Variants in EIF4G3 observed in about 807,000 individuals in gnomAD.
EIF4G3 encodes the protein eIF-4-gamma 3.
EIF4G3 carries 34 observed loss-of-function variants against 186.4 expected under a neutral mutation model. That is an observed-to-expected ratio of 0.18 (90% CI 0.14 to 0.24). The LOEUF (loss-of-function observed/expected upper bound fraction) is 0.24, where lower values mean the gene tolerates loss of function less well. EIF4G3 is among the 10% of genes least tolerant of loss of function. EIF4G3 has a pLI of 1.00. For synonymous variants in EIF4G3, 673 were observed against 679.5 expected (o/e 0.99, Z 0.15); for missense variants, 1,536 against 1,948.5 (o/e 0.79, Z 3.99).
At chr1:20,865,372 T>C (rs1413138790) in intron 20 of EIF4G3, 110 bp from the exon 21 acceptor site, 11 of 1,211,300 alleles carry the variant, frequency 9.1e-6, no homozygotes, top group Non-Finnish European at 1.1e-5. Context: ...CAGGTAAGCA[T>C]TCTATAAGAG....
intron 24 of EIF4G3, 82 bp downstream of exon 24, chr1:20,860,303 A>G (rs1381710788): frequency 4.4e-6 from 7 of 1,573,114 alleles, no homozygotes; most frequent in Non-Finnish European, 3.5e-6. Context: ...TTCTGATCTC[A>G]TTTTATACCT....
At chr1:21,091,681 G>A (rs1192523345) in intron 2 of EIF4G3, among the ~76,000 whole-genome samples, 1 of 152,102 alleles carries the variant, frequency 6.6e-6, no homozygotes, top group African/African-American at 2.4e-5. Context: ...GCAGTAGTTT[G>A]TAGTTCTCCT....
intron 34 of EIF4G3, among the ~76,000 whole-genome samples, chr1:20,814,632 A>G (rs2059984949): frequency 6.6e-6 from 1 of 152,198 alleles, no homozygotes; most frequent in Non-Finnish European, 1.5e-5. Context: ...AATGTGAATT[A>G]GAAGTTAATC....
intron 30 of EIF4G3, among the ~76,000 whole-genome samples, chr1:20,838,913 G>A (rs2067577321): frequency 6.6e-6 from 1 of 152,182 alleles, no homozygotes; most frequent in Non-Finnish European, 1.5e-5. Flanking sequence ...CTGGGCTCAA[G>A]CAATCTTCCT....
chr1:21,139,854 G>C (rs1284145176), intron 2 of EIF4G3, among the ~76,000 whole-genome samples: 2 of 152,074 alleles, frequency 1.3e-5, no homozygotes, highest in Non-Finnish European at 2.9e-5. Flanking sequence ...GCCCACACTG[G>C]TCTATATAAT....
intron 4 of EIF4G3, among the ~76,000 whole-genome samples, chr1:21,014,221 T>C (rs1042069490): frequency 1.6e-4 from 25 of 152,214 alleles, no homozygotes; most frequent in Admixed American, 1.4e-3. Context: ...GTGGAGGCGC[T>C]GGCATAATTC....
chr1:21,033,723 T>C (rs1234242610), intron 4 of EIF4G3, among the ~76,000 whole-genome samples: 1 of 152,150 alleles, frequency 6.6e-6, no homozygotes, highest in Non-Finnish European at 1.5e-5. Flanking sequence ...TTTTCCACAG[T>C]TTATAGTTTG....
rs375666603 is a variant in EIF4G3 at position 20,807,220 on chromosome 1, C to A, written c.*99G>T. On this transcript the variant is annotated 3_prime_UTR_variant, in exon 37 of 37. Transcript: ENST00000602326. ...ACTCGTGCACACGTGGGGGTTTCTG[C>A]GAGAATTGGCCTTGCTGCACTGTGA... 2.6e-6 allele frequency: 3 copies of A among 1,152,798 alleles called. No individual in the cohort carries two copies. The highest frequency in any genetic ancestry group is 3.6e-6 in the Non-Finnish European group (3 of 829,368). 71.4% of individuals were successfully genotyped at this position (1,152,798 alleles called of 1,614,324 possible).
At chr1:21,113,722 A>G (rs1266282302) in intron 2 of EIF4G3, among the ~76,000 whole-genome samples, 1 of 152,142 alleles carries the variant, frequency 6.6e-6, no homozygotes. Context: ...CAGTATCAAA[A>G]ATCTTATCTG....
At chr1:20,931,919 G>A (rs531134447) in intron 14 of EIF4G3, among the ~76,000 whole-genome samples, 194 of 33,910 alleles carry the variant, frequency 5.7e-3, no homozygotes, top group Non-Finnish European at 0.012. Flanking sequence ...GCAAGACTCT[G>A]TCTTAAAAAA....
At chr1:21,135,550 T>G (rs2097223205) in intron 2 of EIF4G3, among the ~76,000 whole-genome samples, 1 of 152,076 alleles carries the variant, frequency 6.6e-6, no homozygotes, top group Admixed American at 6.6e-5. Context: ...AAAAAATGAA[T>G]AGTCCACACA....
rs777715243 is a variant in EIF4G3, at chr1:20,895,497, G to A, written c.2004C>T (p.Ser668=). ...DGVTFPFKPE[S]WKPTDTEGKK... ...TACCTTCAGTATCAGTAGGCTTCCAGGATTCTAGAAAGAGGAATATAGGCA... is the reference window on the plus strand; with the variant it reads ...TACCTTCAGTATCAGTAGGCTTCCAAGATTCTAGAAAGAGGAATATAGGCA... The change falls in exon 17 of 37, where the codon TCC becomes TCT. Residue 668 remains serine (S), a synonymous_variant. Transcript: ENST00000602326. 1.9e-6 allele frequency: 3 copies of A among 1,613,728 alleles called. No individual in the cohort carries two copies. The Admixed American group carries it at 5.0e-5, about 27-fold the overall frequency.
intron 5 of EIF4G3, among the ~76,000 whole-genome samples, chr1:21,001,580 A>T (rs530684195): frequency 4.6e-5 from 7 of 152,116 alleles, no homozygotes; most frequent in African/African-American, 1.7e-4. Context: ...TCTCATAACA[A>T]AACTTGTATC....
intron 29 of EIF4G3, among the ~76,000 whole-genome samples, chr1:20,842,216 T>C (rs1382586994): frequency 6.6e-6 from 1 of 152,238 alleles, no homozygotes; most frequent in East Asian, 1.9e-4. Context: ...GAATGTCTAA[T>C]ATAGCTTTTT....
chr1:20,848,051 T>C lies in EIF4G3; in HGVS notation c.3888+1364A>G, dbSNP rs546104017. 330 of 331,356 alleles carry C rather than the reference T, an allele frequency of 1.0e-3. 5 individuals carry two copies. Among genetic ancestry groups the C allele is most frequent in the South Asian group, 7.4e-3 (319 of 42,974 alleles). 20.5% of individuals were successfully genotyped at this position (331,356 alleles called of 1,614,324 possible). A position where few individuals can be genotyped will look rare whatever the true frequency, so the allele number is the denominator to read the frequency against. On this transcript the variant is annotated intron_variant, in intron 29 of 36. Transcript: ENST00000602326. ...GATGATCTCGGCTCACTGCAACCTCTGCCTCCCGGGCTTCAAGTGATCCTC... is the reference window on the plus strand; with the variant it reads ...GATGATCTCGGCTCACTGCAACCTCCGCCTCCCGGGCTTCAAGTGATCCTC...
At position 20,835,407 on chromosome 1, in the gene EIF4G3, TTAAAAAA is replaced by T. The variant is rs530435330; in HGVS notation, c.4061+5442_4061+5448del. ...AAACAGAAATAAATGAAATAGACAC[TTAAAAAA>T]TGAAAGAAAAAAATCAATGATACTC... On this transcript the variant is annotated intron_variant, in intron 30 of 36. Coordinates refer to ENST00000602326, the MANE Select transcript of EIF4G3 (RefSeq NM_001391906.1). Among the ~76,000 whole-genome samples, 112 of 151,728 alleles carry T rather than the reference TTAAAAAA, an allele frequency of 7.4e-4. 1 individual carries two copies. The South Asian group carries it at 0.01, about 14-fold the overall frequency.
intron 3 of EIF4G3, among the ~76,000 whole-genome samples, chr1:21,085,943 T>C (rs540471027): frequency 6.6e-6 from 1 of 152,276 alleles, no homozygotes; most frequent in Admixed American, 6.5e-5. Flanking sequence ...CCGTCTGCCT[T>C]GGTCTCCCAA....
chr1:20,929,234 G>C (rs943516010), intron 14 of EIF4G3: 5 of 152,080 alleles, frequency 3.3e-5, no homozygotes, highest in Admixed American at 1.3e-4. Context: ...TCCTGCCAAA[G>C]CAGGAAGTTA....
intron 12 of EIF4G3, among the ~76,000 whole-genome samples, chr1:20,956,654 A>G (rs1445892400): frequency 6.6e-6 from 1 of 151,298 alleles, no homozygotes; most frequent in Non-Finnish European, 1.5e-5. Flanking sequence ...GAGCACATCA[A>G]ACACCTGTTG....
Sources: gnomAD v4.1 joint callset for allele counts (sites outside exome capture counted in the v4.1 genomes callset) on GRCh38, gnomAD v4.1.1 for gene constraint, MANE v1.5 for transcripts, NCBI Gene and HGNC (gene_info 2026-07-23, HGNC 2026-07-21) for gene names.